Variants in NLGN1 observed in about 807,000 individuals in gnomAD.
The protein encoded by NLGN1 is neuroligin-1.
NLGN1 carries 12 observed loss-of-function variants against 65.5 expected under a neutral mutation model. The ratio of observed to expected loss-of-function variants is 0.18; its 90% confidence interval spans 0.12 to 0.30. NLGN1 has a LOEUF of 0.30. Among genes scored for constraint, NLGN1 ranks in the 10% least tolerant of loss-of-function variants. NLGN1 has a pLI of 1.00. For synonymous variants in NLGN1, 350 were observed against 359.5 expected, an observed-to-expected ratio of 0.97 and a Z score of 0.30; for missense variants, 750 against 1,007.1, an observed-to-expected ratio of 0.74 and a Z score of 3.46.
intron 4 of NLGN1, among the ~76,000 whole-genome samples, chr3:173,843,683 T>C (rs1725224442): frequency 6.6e-6 from 1 of 152,164 alleles, no homozygotes; most frequent in Non-Finnish European, 1.5e-5. Flanking sequence ...TGAGACCATC[T>C]CAGCCTGGAC....
At chr3:173,543,869 G>A (rs757318658) in intron 2 of NLGN1, among the ~76,000 whole-genome samples, 1 of 152,092 alleles carries the variant, frequency 6.6e-6, no homozygotes, top group Non-Finnish European at 1.5e-5. Flanking sequence ...TCAACAAAAT[G>A]TTATTTGTTA....
chr3:173,629,089 T>C (rs185381543), intron 3 of NLGN1, among the ~76,000 whole-genome samples: 1 of 151,792 alleles, frequency 6.6e-6, no homozygotes, highest in Admixed American at 6.5e-5. Context: ...CTTATCATCC[T>C]TTCCTTTTTT....
In NLGN1 at chr3:173,853,366, C is replaced by T. The variant is rs148530539; in HGVS notation, c.646+45534C>T. Among the ~76,000 whole-genome samples the T allele has an allele frequency of 1.5e-4, 23 of 152,272 alleles. No individual in the cohort carries two copies. In the East Asian group the frequency reaches 2.1e-3, roughly 14 times the overall value. On this transcript the variant is annotated intron_variant, in intron 4 of 6. Coordinates refer to ENST00000457714, the Ensembl canonical transcript of NLGN1. The stretch of plus-strand genomic sequence containing the variant: ...AACTTATCATAAACTAGCTTCAGTG[C>T]ATCTGAAAGTCAGAGAACTGATTTT...
intron 4 of NLGN1, among the ~76,000 whole-genome samples, chr3:173,900,736 A>C (rs1047088729): frequency 6.6e-6 from 1 of 152,010 alleles, no homozygotes; most frequent in Non-Finnish European, 1.5e-5. Context: ...TCCAGAGAGA[A>C]ACCTATTAAC....
At chr3:173,664,556 A>G (rs537285373) in intron 3 of NLGN1, among the ~76,000 whole-genome samples, 93 of 152,224 alleles carry the variant, frequency 6.1e-4, no homozygotes, top group Middle Eastern at 3.4e-3. Context: ...CAGTGTTAAC[A>G]ATTTCCTGTG....
intron 3 of NLGN1, among the ~76,000 whole-genome samples, chr3:173,781,671 G>A (rs1327707863): frequency 6.6e-6 from 1 of 152,190 alleles, no homozygotes; most frequent in Non-Finnish European, 1.5e-5. Flanking sequence ...TCAGACAGGA[G>A]GGGTTAACTC....
chr3:173,793,765 A>G (rs911584128), intron 3 of NLGN1, among the ~76,000 whole-genome samples: 10 of 152,122 alleles, frequency 6.6e-5, no homozygotes, highest in African/African-American at 2.2e-4. Context: ...TGATGAGAGC[A>G]TAATGCAGGC....
At chr3:173,428,768 A>G (rs1489975646) in intron 1 of NLGN1, among the ~76,000 whole-genome samples, 3 of 151,890 alleles carry the variant, frequency 2.0e-5, no homozygotes, top group Non-Finnish European at 4.4e-5. Context: ...CATTTTGCAC[A>G]TTAACATTCT....
intron 2 of NLGN1, among the ~76,000 whole-genome samples, chr3:173,555,574 G>A (rs904075525): frequency 3.3e-5 from 5 of 151,954 alleles, no homozygotes; most frequent in African/African-American, 7.3e-5. Context: ...CAAAATCCCC[G>A]GGCTCAGGTA....
At chr3:173,617,974 A>G (rs546376632) in intron 3 of NLGN1, among the ~76,000 whole-genome samples, 190 of 152,160 alleles carry the variant, frequency 1.2e-3, no homozygotes, top group African/African-American at 4.3e-3. Context: ...ACTTCTTGCT[A>G]ACGTTTTCTC....
At chr3:174,140,379 G>A (rs1722059399) in intron 4 of NLGN1, among the ~76,000 whole-genome samples, 1 of 152,008 alleles carries the variant, frequency 6.6e-6, no homozygotes, top group Admixed American at 6.6e-5. Flanking sequence ...TATTCTTAAA[G>A]TTTCATAGTT....
intron 2 of NLGN1, among the ~76,000 whole-genome samples, chr3:173,495,814 A>G (rs1003964788): frequency 6.6e-6 from 1 of 151,548 alleles, no homozygotes; most frequent in Non-Finnish European, 1.5e-5. Context: ...ATACCAGTAA[A>G]TCTTCACCCT....
intron 1 of NLGN1, among the ~76,000 whole-genome samples, chr3:173,405,993 A>G (rs1172191465): frequency 6.6e-6 from 1 of 152,176 alleles, no homozygotes; most frequent in Admixed American, 6.6e-5. Context: ...ATGTACTGTA[A>G]GCTGGTAAGC....
At chr3:173,880,413 C>T (rs145418774) in intron 4 of NLGN1, among the ~76,000 whole-genome samples, 1 of 151,556 alleles carries the variant, frequency 6.6e-6, no homozygotes, top group Non-Finnish European at 1.5e-5. Flanking sequence ...AATATACAGG[C>T]ATAGCTCAGA....
intron 4 of NLGN1, among the ~76,000 whole-genome samples, chr3:174,083,321 T>C (rs190548684): frequency 1.3e-5 from 2 of 152,184 alleles, no homozygotes; most frequent in African/African-American, 4.8e-5. Flanking sequence ...ATACAAATAA[T>C]CTTAATTTAT....
At chr3:174,067,672 T>C (rs1291669098) in intron 4 of NLGN1, among the ~76,000 whole-genome samples, 1 of 152,156 alleles carries the variant, frequency 6.6e-6, no homozygotes, top group African/African-American at 2.4e-5. Flanking sequence ...TTCACAAATC[T>C]GTGCAGATCA....
intron 4 of NLGN1, among the ~76,000 whole-genome samples, chr3:174,072,935 C>G (rs1740198565): frequency 6.6e-6 from 1 of 152,020 alleles, no homozygotes; most frequent in Non-Finnish European, 1.5e-5. Context: ...TATTGCCACT[C>G]CCAATGTAAA....
rs2149447959 is a variant in NLGN1, at chr3:173,604,764, G to A, written c.166G>A (p.Ala56Thr). Residue 56 changes from alanine to threonine, a missense_variant, in exon 3 of 7, where the codon GCT becomes ACT. By Grantham distance (58) the Ala-to-Thr change is moderately conservative. Coordinates refer to ENST00000457714, the Ensembl canonical transcript of NLGN1. ...ATTGGATGATGTGGACCCACTGGTG[G>A]CTACCAACTTTGGAAAGATAAGAGG... 1.9e-6 allele frequency: 3 copies of A among 1,613,708 alleles called. No homozygotes were observed. The South Asian group carries it at 3.3e-5, about 18-fold the overall frequency.
At chr3:173,579,351 C>G (rs575491961) in intron 2 of NLGN1, among the ~76,000 whole-genome samples, 2 of 152,188 alleles carry the variant, frequency 1.3e-5, no homozygotes, top group African/African-American at 4.8e-5. Flanking sequence ...GGCATGGCGC[C>G]GGTATTCTCA....
Sources: allele counts gnomAD v4.1 joint callset (sites outside exome capture counted in the v4.1 genomes callset), GRCh38; gene constraint gnomAD v4.1.1; transcripts MANE v1.5; gene names NCBI Gene and HGNC (gene_info 2026-07-23, HGNC 2026-07-21).